The following DPYD variants were observed in gnomAD, a reference collection of about 807,000 sequenced individuals.
DPYD encodes dihydropyrimidine dehydrogenase, also known as dihydropyrimidine dehydrogenase [NADP(+)].
DPYD carries 109 observed loss-of-function variants against 116.2 expected under a neutral mutation model. The ratio of observed to expected loss-of-function variants is 0.94; its 90% CI spans 0.80 to 1.10. DPYD has a LOEUF of 1.10. DPYD is among the 50% of genes least tolerant of loss of function. The pLI, the probability that DPYD is intolerant of heterozygous loss-of-function variation, is 0.00. For missense variants in DPYD, 1,302 were observed against 1,254.5 expected (o/e 1.04, Z -0.57); for synonymous variants, 440 against 432.0 (o/e 1.02, Z -0.23).
At chr1:97,757,536 A>T (rs1308405039) in intron 3 of DPYD, among the ~76,000 whole-genome samples, 1 of 152,180 alleles carries the variant, frequency 6.6e-6, no homozygotes, top group Non-Finnish European at 1.5e-5. Flanking sequence ...TGAATAAATA[A>T]ATAATAATAC....
At chr1:97,280,203 A>G (rs1455365742) in intron 18 of DPYD, 1 of 149,916 alleles carries the variant, frequency 6.7e-6, no homozygotes, top group Non-Finnish European at 1.5e-5. Context: ...CAGACATTTC[A>G]GAAGTCTTTT....
At chr1:97,593,534 T>C (rs746005156) in intron 9 of DPYD, 147 bp from the exon 10 acceptor site, 300 of 880,660 alleles carry the variant, frequency 3.4e-4, no homozygotes, top group Non-Finnish European at 4.6e-4. Context: ...TCTGCTTCAT[T>C]GAAAGACAGT....
chr1:97,794,566 A>G (rs1272595955), intron 3 of DPYD, among the ~76,000 whole-genome samples: 1 of 152,190 alleles, frequency 6.6e-6, no homozygotes, highest in Non-Finnish European at 1.5e-5. Context: ...TCTATTTTAA[A>G]AAGCTTGTTT....
At chr1:97,668,822 T>C (rs1328482863) in intron 8 of DPYD, among the ~76,000 whole-genome samples, 4 of 151,928 alleles carry the variant, frequency 2.6e-5, no homozygotes, top group East Asian at 3.9e-4. Flanking sequence ...TAAGGCTCAA[T>C]AGACAAAACT....
At chr1:97,718,708 C>G (rs1366699887) in intron 5 of DPYD, among the ~76,000 whole-genome samples, 2 of 150,952 alleles carry the variant, frequency 1.3e-5, no homozygotes, top group Non-Finnish European at 3.0e-5. Context: ...CGTTTTTTTT[C>G]AAACTTTAGG....
At chr1:97,355,973 T>C (rs1001937400) in intron 16 of DPYD, among the ~76,000 whole-genome samples, 9 of 152,206 alleles carry the variant, frequency 5.9e-5, no homozygotes, top group Non-Finnish European at 8.8e-5. Flanking sequence ...GATCATATGG[T>C]AATTCTACTT....
chr1:97,512,743 C>T (rs17116810), intron 13 of DPYD, among the ~76,000 whole-genome samples: 44,053 of 151,604 alleles, frequency 0.29, 6,510 homozygotes, highest in East Asian at 0.49. Flanking sequence ...CTTGACAGAT[C>T]GATTTCTCTC....
At chr1:97,714,080 A>T (rs1662457482) in intron 5 of DPYD, among the ~76,000 whole-genome samples, 1 of 152,140 alleles carries the variant, frequency 6.6e-6, no homozygotes, top group Non-Finnish European at 1.5e-5. Context: ...ACTGTATCAT[A>T]AATGTGCTAG....
At chr1:97,572,665 C>A (rs1190412339) in intron 11 of DPYD, among the ~76,000 whole-genome samples, 1 of 151,916 alleles carries the variant, frequency 6.6e-6, no homozygotes, top group East Asian at 1.9e-4. Context: ...TATACTCTGA[C>A]TGTGTCTACA....
At chr1:97,480,689 A>C (rs977283752) in intron 13 of DPYD, among the ~76,000 whole-genome samples, 1 of 152,208 alleles carries the variant, frequency 6.6e-6, no homozygotes, top group Non-Finnish European at 1.5e-5. Flanking sequence ...GTTTTAAAAT[A>C]TTATAAAAAG....
chr1:97,697,649 T>G (rs1303519346), intron 6 of DPYD, among the ~76,000 whole-genome samples: 3 of 151,980 alleles, frequency 2.0e-5, no homozygotes, highest in Non-Finnish European at 4.4e-5. Flanking sequence ...AAAACCACCA[T>G]GTTTGGTCTG....
At chr1:97,582,047 C>A (rs756600740) in intron 10 of DPYD, among the ~76,000 whole-genome samples, 10 of 152,056 alleles carry the variant, frequency 6.6e-5, no homozygotes, top group Non-Finnish European at 1.5e-4. Flanking sequence ...TTTGGCATGG[C>A]GTATCTGTTA....
At chr1:97,668,838 G>C (rs758056385) in intron 8 of DPYD, among the ~76,000 whole-genome samples, 39 of 151,780 alleles carry the variant, frequency 2.6e-4, no homozygotes, top group Admixed American at 1.2e-3. Context: ...AAACTACCAA[G>C]TATTTTTTTT....
At chr1:97,782,642 T>G (rs984710061) in intron 3 of DPYD, among the ~76,000 whole-genome samples, 3 of 152,190 alleles carry the variant, frequency 2.0e-5, no homozygotes, top group African/African-American at 7.2e-5. Flanking sequence ...AAAGTAAAAG[T>G]AGTATAAAGG....
At chr1:97,252,395 T>C (rs1311675446) in intron 18 of DPYD, among the ~76,000 whole-genome samples, 1 of 152,212 alleles carries the variant, frequency 6.6e-6, no homozygotes, top group Non-Finnish European at 1.5e-5. Context: ...AATGCACATA[T>C]CTAAGCAAAA....
intron 20 of DPYD, among the ~76,000 whole-genome samples, chr1:97,171,832 C>T (rs1189664975): frequency 6.6e-6 from 1 of 152,150 alleles, no homozygotes; most frequent in African/African-American, 2.4e-5. Context: ...TGAACACATA[C>T]ATCATTGCAT....
At chr1:97,883,704 C>T (rs1418381848) in intron 1 of DPYD, 2 of 348,400 alleles carry the variant, frequency 5.7e-6, no homozygotes, top group Non-Finnish European at 1.1e-5. Context: ...GGCTCAACCT[C>T]CCAAAGTGCT....
chr1:97,479,513 A>G (rs927981269), intron 13 of DPYD, among the ~76,000 whole-genome samples: 1 of 152,210 alleles, frequency 6.6e-6, no homozygotes, highest in Non-Finnish European at 1.5e-5. Flanking sequence ...TTACAATAAC[A>G]TCAAAGATCA....
intron 20 of DPYD, among the ~76,000 whole-genome samples, chr1:97,102,459 T>TTATCTATCTATCTATCTATCTATCTATC (rs1236741247): frequency 1.6e-5 from 2 of 125,094 alleles, no homozygotes; most frequent in African/African-American, 3.0e-5. Flanking sequence ...CTGAAATCTA[T>TTATCTATCTATCTATCTATCTATCTATC]TATCTATCTA....
Sources: allele counts gnomAD v4.1 joint callset (sites outside exome capture counted in the v4.1 genomes callset), GRCh38; gene constraint gnomAD v4.1.1; transcripts MANE v1.5; gene names NCBI Gene and HGNC (gene_info 2026-07-23, HGNC 2026-07-21).